The following PPP2R3A variants were observed in gnomAD, a reference collection of about 807,000 sequenced individuals.
PPP2R3A encodes the protein serine/threonine-protein phosphatase 2A regulatory subunit B'' subunit alpha.
A neutral mutation model predicts 106.9 loss-of-function variants in PPP2R3A; 80 were observed. The ratio of observed to expected loss-of-function variants is 0.75; its 90% CI spans 0.62 to 0.90. The LOEUF is 0.90. PPP2R3A is among the 40% of genes least tolerant of loss of function. The pLI is 0.00. For synonymous variants in PPP2R3A, 483 were observed against 468.3 expected (o/e 1.03, Z -0.41); for missense variants, 1,386 against 1,350.4 (o/e 1.03, Z -0.41).
At chr3:136,055,486 G>T (rs1935830354) in intron 5 of PPP2R3A, 1 of 1,160,344 alleles carries the variant, frequency 8.6e-7, no homozygotes, top group Admixed American at 1.7e-5. Flanking sequence ...TGGATACAGA[G>T]ACCAGTTTAG....
intron 3 of PPP2R3A, among the ~76,000 whole-genome samples, chr3:136,035,253 A>G (rs922818266): frequency 3.9e-5 from 6 of 152,280 alleles, no homozygotes; most frequent in South Asian, 2.1e-4. Context: ...TCCATTCATC[A>G]TGCTATTTGT....
intron 11 of PPP2R3A, among the ~76,000 whole-genome samples, chr3:136,103,022 T>C (rs957048383): frequency 4.6e-5 from 7 of 152,314 alleles, no homozygotes; most frequent in South Asian, 4.1e-4. Context: ...CACTGAATTA[T>C]GCACTTTAAA....
chr3:136,116,934 C>A (rs1456649751), intron 13 of PPP2R3A, among the ~76,000 whole-genome samples: 3 of 152,214 alleles, frequency 2.0e-5, no homozygotes, highest in African/African-American at 7.2e-5. Flanking sequence ...ACAGAATATA[C>A]ATTCTCCTCA....
chr3:136,034,543 T>A (rs1043184176), intron 3 of PPP2R3A, among the ~76,000 whole-genome samples: 2 of 152,198 alleles, frequency 1.3e-5, no homozygotes, highest in African/African-American at 4.8e-5. Context: ...GAGGGTTCCT[T>A]TTGGAGTTGA....
chr3:136,011,838 G>A (rs1480511792), intron 2 of PPP2R3A, among the ~76,000 whole-genome samples: 5 of 152,170 alleles, frequency 3.3e-5, no homozygotes, highest in Non-Finnish European at 5.9e-5. Context: ...CCTGGGAGGT[G>A]CTTTGGCATC....
chr3:136,106,923 C>CT (rs1366263436), intron 13 of PPP2R3A: 1 of 93,684 alleles, frequency 1.1e-5, no homozygotes, highest in Non-Finnish European at 2.0e-5. Context: ...AAAACTCCGT[C>CT]TCCAAAAAAA....
chr3:136,084,895 C>G (rs992809574), intron 8 of PPP2R3A, among the ~76,000 whole-genome samples: 19 of 152,330 alleles, frequency 1.2e-4, no homozygotes, highest in African/African-American at 3.4e-4. Flanking sequence ...TTACCCAATG[C>G]CTGTATCCCT....
chr3:136,030,825 T>TACAC (rs375422855), intron 3 of PPP2R3A, among the ~76,000 whole-genome samples: 14 of 142,418 alleles, frequency 9.8e-5, no homozygotes, highest in Admixed American at 4.2e-4. Flanking sequence ...TATGTATGTA[T>TACAC]ACACACACAC....
chr3:136,139,055 T>C (rs922732325), intron 13 of PPP2R3A, among the ~76,000 whole-genome samples: 3 of 152,134 alleles, frequency 2.0e-5, no homozygotes, highest in Admixed American at 2.0e-4. Flanking sequence ...GTACCATGTG[T>C]CTTAGATATG....
chr3:136,089,462 C>T (rs551511300), intron 9 of PPP2R3A, among the ~76,000 whole-genome samples: 1 of 152,068 alleles, frequency 6.6e-6, no homozygotes, highest in South Asian at 2.1e-4. Context: ...TGTACCAGTA[C>T]CATGCTGTTT....
rs762895388 is a variant in PPP2R3A at position 136,002,030 on chromosome 3, C to T, written c.532C>T (p.Arg178Trp). Residue 178 changes from arginine (R) to tryptophan (W), a missense_variant, in exon 2 of 14, where the codon CGG becomes TGG. Coordinates refer to ENST00000264977, the MANE Select transcript of PPP2R3A (RefSeq NM_002718.5). ...GAACGCCCCATCCTTTGGTTTACTGCGGAGTTCCTCAGTTGAGGAAAAACC... is the reference window on the plus strand; with the variant it reads ...GAACGCCCCATCCTTTGGTTTACTGTGGAGTTCCTCAGTTGAGGAAAAACC... ...DGNAPSFGLL[R>W]SSSVEEKPLS... 2.2e-5 allele frequency: 35 copies of T among 1,613,968 alleles called. No homozygotes were observed. The highest frequency in any genetic ancestry group is 1.0e-4 in the Admixed American group (6 of 59,982).
chr3:136,114,759 G>T (rs1266428715), intron 13 of PPP2R3A, among the ~76,000 whole-genome samples: 1 of 152,090 alleles, frequency 6.6e-6, no homozygotes, highest in South Asian at 2.1e-4. Flanking sequence ...GGGCATCTCT[G>T]GAAAAAAAGG....
intron 5 of PPP2R3A, among the ~76,000 whole-genome samples, chr3:136,056,258 A>C (rs542472645): frequency 2.2e-4 from 33 of 152,338 alleles, no homozygotes; most frequent in African/African-American, 7.9e-4. Context: ...ATAGAATATG[A>C]TGACCTGGAT....
chr3:136,111,818 A>G (rs1157922785), intron 13 of PPP2R3A, among the ~76,000 whole-genome samples: 1 of 152,158 alleles, frequency 6.6e-6, no homozygotes, highest in Non-Finnish European at 1.5e-5. Context: ...CATCATTCTG[A>G]TACTAAAACC....
intron 4 of PPP2R3A, among the ~76,000 whole-genome samples, chr3:136,048,189 G>A (rs1935540403): frequency 6.6e-6 from 1 of 152,226 alleles, no homozygotes; most frequent in Non-Finnish European, 1.5e-5. Context: ...AAGGACACAG[G>A]AGGCCAGCAA....
chr3:136,078,507 CTTTA>C (rs1260586698), intron 7 of PPP2R3A, 54 bp downstream of exon 7: 101 of 1,158,212 alleles, frequency 8.7e-5, no homozygotes, highest in Middle Eastern at 2.2e-4. Flanking sequence ...AATTTTCTTA[CTTTA>C]TTTAACAAAT....
At chr3:136,082,489 A>G in intron 8 of PPP2R3A, 68 bp downstream of exon 8, 2 of 1,534,550 alleles carry the variant, frequency 1.3e-6, no homozygotes, top group South Asian at 1.2e-5. Context: ...ACTACTCATT[A>G]TGAGAAATTC....
At chr3:136,010,983 T>C (rs1002158551) in intron 2 of PPP2R3A, among the ~76,000 whole-genome samples, 1 of 152,162 alleles carries the variant, frequency 6.6e-6, no homozygotes, top group African/African-American at 2.4e-5. Flanking sequence ...ACTCCAGGGC[T>C]CTCTGAAAGA....
intron 3 of PPP2R3A, among the ~76,000 whole-genome samples, chr3:136,030,885 G>A (rs567341903): frequency 6.6e-6 from 1 of 151,646 alleles, no homozygotes; most frequent in Admixed American, 6.6e-5. Context: ...TGGGCATTGG[G>A]TTGGTTTCAC....
Sources: allele counts gnomAD v4.1 joint callset (sites outside exome capture counted in the v4.1 genomes callset), GRCh38; gene constraint gnomAD v4.1.1; transcripts MANE v1.5; gene names NCBI Gene and HGNC (gene_info 2026-07-23, HGNC 2026-07-21).